The following PPP6C variants were observed in gnomAD, a reference collection of about 807,000 sequenced individuals.
The protein encoded by PPP6C is protein phosphatase 6 catalytic subunit.
Under a neutral mutation model 39.8 loss-of-function variants are expected in PPP6C, and 11 were observed. The ratio of observed to expected loss-of-function variants is 0.28; its 90% CI spans 0.17 to 0.46. PPP6C has a LOEUF of 0.46. Ranked by LOEUF, PPP6C falls within the 20% of genes least tolerant of loss-of-function variation. PPP6C has a pLI of 1.00. For synonymous variants in PPP6C, 129 were observed against 130.3 expected, an observed-to-expected ratio of 0.99 and a Z score of 0.07; for missense variants, 211 against 373.9, an observed-to-expected ratio of 0.56 and a Z score of 3.59.
chr9:125,155,145 A>G (rs900381511), intron 4 of PPP6C, among the ~76,000 whole-genome samples: 1 of 152,126 alleles, frequency 6.6e-6, no homozygotes, highest in African/African-American at 2.4e-5. Flanking sequence ...AGCTCAAGCA[A>G]TCCTCCTACC....
At chr9:125,189,135 A>G (rs982829468) in intron 1 of PPP6C, among the ~76,000 whole-genome samples, 1 of 152,170 alleles carries the variant, frequency 6.6e-6, no homozygotes, top group African/African-American at 2.4e-5. Flanking sequence ...CGCTCCCGCC[A>G]GTACCAAACC....
chr9:125,164,989 G>A (rs4838252), intron 2 of PPP6C, among the ~76,000 whole-genome samples: 35,653 of 151,706 alleles, frequency 0.24, 4,700 homozygotes, highest in Non-Finnish European at 0.3. Flanking sequence ...CGCCCGCCTC[G>A]GCCTCCCACA....
intron 1 of PPP6C, among the ~76,000 whole-genome samples, chr9:125,176,879 G>A (rs1337666865): frequency 6.6e-6 from 1 of 152,150 alleles, no homozygotes; most frequent in South Asian, 2.1e-4. Context: ...TGACCAGCTG[G>A]ATACAGGGTG....
In PPP6C at chr9:125,173,678, C is replaced by G. The variant is rs1026769970; in HGVS notation, c.76-2498G>C. On this transcript the variant is annotated intron_variant, in intron 1 of 6. Transcript: ENST00000373547. ...CTGTTGCCAGGCTGGAGTGCAGTGGCGCAATCTCAGCTCACTGCAATCTCT... is the reference window on the plus strand; with the variant it reads ...CTGTTGCCAGGCTGGAGTGCAGTGGGGCAATCTCAGCTCACTGCAATCTCT... 5.1e-4 allele frequency among the ~76,000 whole-genome samples: 78 copies of G among 152,034 alleles called. 1 individual carries two copies. Among genetic ancestry groups the G allele is most frequent in the African/African-American group, 1.8e-3 (76 of 41,484 alleles).
intron 1 of PPP6C, among the ~76,000 whole-genome samples, chr9:125,183,197 C>G (rs1829454364): frequency 6.6e-6 from 1 of 152,136 alleles, no homozygotes; most frequent in Non-Finnish European, 1.5e-5. Context: ...AATCACTTAT[C>G]ATTGCCTTAT....
chr9:125,188,986 T>A, intron 1 of PPP6C: 1 of 1,475,844 alleles, frequency 6.8e-7, no homozygotes, highest in Non-Finnish European at 9.3e-7. Flanking sequence ...TATTTGTATT[T>A]ATTGAGAACC....
In PPP6C at chr9:125,153,499, C is replaced by A. The variant is rs1441582013; in HGVS notation, c.669+34G>T. 4 of 1,592,538 alleles carry A rather than the reference C, an allele frequency of 2.5e-6. No individual in the cohort carries two copies. In the East Asian group the frequency reaches 9.0e-5, roughly 36 times the overall value. On this transcript the variant is annotated intron_variant, in intron 6 of 6. Coordinates refer to ENST00000373547, the MANE Select transcript of PPP6C (RefSeq NM_002721.5). Reference sequence around the variant, plus strand: ...GTTCTCTATGCAGCCCATTAGCAATCCACAAATTACATTTCCAAAAATGTT... The same window carrying A: ...GTTCTCTATGCAGCCCATTAGCAATACACAAATTACATTTCCAAAAATGTT...
intron 2 of PPP6C, among the ~76,000 whole-genome samples, chr9:125,170,483 C>T (rs972963114): frequency 2.6e-5 from 4 of 152,054 alleles, no homozygotes; most frequent in South Asian, 2.1e-4. Context: ...ACGATCCACC[C>T]GCCTCAGCCA....
rs1355155986 is a variant in PPP6C, at chr9:125,189,695, C to T, written c.24G>A (p.Lys8=). The change falls in exon 1 of 7, where the codon AAG becomes AAA. Residue 8 remains lysine, a synonymous_variant. Coordinates refer to ENST00000373547, the MANE Select transcript of PPP6C (RefSeq NM_002721.5). Reference sequence around the variant, plus strand: ...TGCACAGCCGCGCTATTTCCACATACTTGTCCAGGTCTAGCGGCGCCATTT... The same window carrying T: ...TGCACAGCCGCGCTATTTCCACATATTTGTCCAGGTCTAGCGGCGCCATTT... MAPLDLD[K]YVEIARLCKY... 1 of 1,610,676 alleles carries T rather than the reference C, an allele frequency of 6.2e-7. No homozygotes were observed. Among genetic ancestry groups the T allele is most frequent in the Non-Finnish European group, 8.5e-7 (1 of 1,178,716 alleles).
chr9:125,151,938 G>A (rs1401149068), intron 6 of PPP6C, among the ~76,000 whole-genome samples: 2 of 152,168 alleles, frequency 1.3e-5, no homozygotes, highest in Non-Finnish European at 2.9e-5. Context: ...GAATGCTTCA[G>A]GGTTTTCTTT....
At chr9:125,157,356 T>A (rs1836105856) in intron 4 of PPP6C, among the ~76,000 whole-genome samples, 1 of 152,098 alleles carries the variant, frequency 6.6e-6, no homozygotes, top group African/African-American at 2.4e-5. Flanking sequence ...CATACAGAGA[T>A]ATATGTAAAA....
chr9:125,160,843 T>C lies in PPP6C; in HGVS notation c.235A>G (p.Met79Val). Residue 79 changes from methionine (M) to valine (V), a missense_variant and splice_region_variant, in exon 3 of 7, where the codon ATG becomes GTG. Physicochemically the swap from Met to Val is conservative, Grantham distance 21. Transcript: ENST00000373547. ...GQVPDTNYIF[M>V]GDFVDRGYYS... is the part of the protein sequence containing the mutation. ...TGATATCACTGGTGTTTACATACCA[T>C]AAATATGTAGTTTGTGTCAGGAACC... The C allele has an allele frequency of 6.3e-7, 1 of 1,578,996 alleles. No individual in the cohort carries two copies. The highest frequency in any genetic ancestry group is 1.9e-5 in the Admixed American group (1 of 53,930).
chr9:125,152,004 C>T (rs1835959377), intron 6 of PPP6C, among the ~76,000 whole-genome samples: 1 of 151,946 alleles, frequency 6.6e-6, no homozygotes, highest in African/African-American at 2.4e-5. Flanking sequence ...TCCCCAAGGT[C>T]TATGCTAAAT....
chr9:125,151,444 A>G, intron 6 of PPP6C: 1 of 814,284 alleles, frequency 1.2e-6, no homozygotes, highest in South Asian at 1.4e-5. Context: ...AAGCAGTAGT[A>G]GTCACCAATA....
intron 3 of PPP6C, 105 bp from the exon 4 acceptor site, chr9:125,158,487 T>C (rs1037967023): frequency 4.5e-6 from 5 of 1,114,092 alleles, no homozygotes; most frequent in Non-Finnish European, 6.1e-6. Flanking sequence ...CAATAAAGAG[T>C]TACATACTGA....
rs1347309215 is a variant in PPP6C at position 125,149,642 on chromosome 9, G to T, written c.*31C>A. On this transcript the variant is annotated 3_prime_UTR_variant, in exon 7 of 7. Coordinates refer to ENST00000373547, the MANE Select transcript of PPP6C (RefSeq NM_002721.5). ...AGAAAATTGGGGTAAGAAGAGGGCA[G>T]AAAAATGGGTCAGCAGGATGGGCGA... 6.2e-7 allele frequency: 1 copy of T among 1,605,960 alleles called. No homozygotes were observed. The highest frequency in any genetic ancestry group is 8.5e-7 in the Non-Finnish European group (1 of 1,174,348).
Position 125,160,855 on chromosome 9 carries a change from T to C in PPP6C, c.223A>G (p.Asn75Asp). The change falls in exon 3 of 7, where the codon AAC (asparagine) becomes GAC (aspartate). Residue 75 changes from asparagine (N) to aspartate (D), a missense_variant. Physicochemically the swap from Asn to Asp is conservative, Grantham distance 23. Around this residue, in one of 2 missense-constraint regions of PPP6C, gnomAD observed 168 missense variants for 342.6 expected, o/e 0.49. Transcript: ENST00000373547. ...FRTGGQVPDT[N>D]YIFMGDFVDR... ...TGTTTACATACCATAAATATGTAGT[T>C]TGTGTCAGGAACCTGACCTCCAGTT... The C allele has an allele frequency of 6.3e-7, 1 of 1,592,290 alleles. No individual in the cohort carries two copies. Among genetic ancestry groups the C allele is most frequent in the Non-Finnish European group, 8.5e-7 (1 of 1,170,870 alleles).
chr9:125,173,404 C>CAAA (rs1157793278), intron 1 of PPP6C, among the ~76,000 whole-genome samples: 530 of 50,748 alleles, frequency 0.01, 13 homozygotes, highest in African/African-American at 0.041. Flanking sequence ...GACTCCCTCT[C>CAAA]AAAAAAAAAA....
chr9:125,166,964 A>G (rs1400327855), intron 2 of PPP6C, among the ~76,000 whole-genome samples: 1 of 152,118 alleles, frequency 6.6e-6, no homozygotes, highest in East Asian at 1.9e-4. Flanking sequence ...CAGTGGCACA[A>G]TAATAGCTGA....
Sources: gnomAD v4.1 joint callset for allele counts (sites outside exome capture counted in the v4.1 genomes callset) on GRCh38, gnomAD v4.1.1 for gene constraint, gnomAD v4.1.1 regional missense constraint, MANE v1.5 for transcripts, NCBI Gene and HGNC (gene_info 2026-07-23, HGNC 2026-07-21) for gene names.